Variants in WDR7 observed in about 807,000 individuals in gnomAD.
WDR7 encodes the protein WD repeat-containing protein 7.
WDR7 carries 46 observed loss-of-function variants against 169.4 expected under a neutral mutation model. The ratio of observed to expected loss-of-function variants is 0.27; its 90% confidence interval spans 0.21 to 0.35. The LOEUF (loss-of-function observed/expected upper bound fraction) is 0.35. Ranked by LOEUF, WDR7 falls within the 10% of genes least tolerant of loss-of-function variation. WDR7 has a pLI of 1.00. For missense variants in WDR7, 1,534 were observed against 1,859.3 expected (o/e 0.83, Z 3.22); for synonymous variants, 612 against 666.8 (o/e 0.92, Z 1.27).
At chr18:56,791,682 A>G (rs1428642664) in intron 19 of WDR7, among the ~76,000 whole-genome samples, 1 of 152,160 alleles carries the variant, frequency 6.6e-6, no homozygotes, top group Non-Finnish European at 1.5e-5. Flanking sequence ...CTTAGGGTTT[A>G]AAGTAACCAC....
chr18:56,720,418 C>A (rs931741539), intron 13 of WDR7, among the ~76,000 whole-genome samples: 2 of 152,112 alleles, frequency 1.3e-5, no homozygotes, highest in African/African-American at 4.8e-5. Flanking sequence ...CACTGCACCC[C>A]AGCCTGGGAG....
At chr18:56,680,044 G>A (rs897537202) in intron 3 of WDR7, among the ~76,000 whole-genome samples, 1 of 152,004 alleles carries the variant, frequency 6.6e-6, no homozygotes, top group Non-Finnish European at 1.5e-5. Context: ...AGAAAGTTGG[G>A]GAACTTGAAG....
intron 20 of WDR7, among the ~76,000 whole-genome samples, chr18:56,875,398 T>C (rs1476709985): frequency 6.6e-6 from 1 of 152,200 alleles, no homozygotes; most frequent in African/African-American, 2.4e-5. Flanking sequence ...TCTAATATTC[T>C]TTATACTATG....
At chr18:56,796,453 C>T (rs1330402722) in intron 19 of WDR7, among the ~76,000 whole-genome samples, 1 of 152,180 alleles carries the variant, frequency 6.6e-6, no homozygotes, top group Non-Finnish European at 1.5e-5. Context: ...CTAGTGATTT[C>T]AAACTCGTCA....
intron 26 of WDR7, among the ~76,000 whole-genome samples, chr18:57,008,654 G>C (rs578216140): frequency 9.2e-5 from 14 of 152,246 alleles, no homozygotes; most frequent in African/African-American, 3.4e-4. Flanking sequence ...CCTTCTCTCT[G>C]TACCTTTTTC....
intron 13 of WDR7, 54 bp from the exon 14 acceptor site, chr18:56,731,329 C>T: frequency 6.4e-7 from 1 of 1,563,032 alleles, no homozygotes. Flanking sequence ...TTTACTTAAA[C>T]TATTCAAAAT....
Position 56,682,735 on chromosome 18 carries a change from T to A in WDR7, c.402T>A (p.His134Gln). 1 of 1,613,888 alleles carries A rather than the reference T, an allele frequency of 6.2e-7. No individual in the cohort carries two copies. The highest frequency in any genetic ancestry group is 8.5e-7 in the Non-Finnish European group (1 of 1,179,812). ...QREGRLLCHGHYPEILVVDAT... is the reference protein window; with the variant it reads ...QREGRLLCHGQYPEILVVDAT... ...AAGGAAGGCTTTTATGCCACGGACA[T>A]TACCCTGAAATCCTTGTTGTGGATG... Residue 134 changes from histidine (H) to glutamine (Q), a missense_variant, in exon 5 of 28, where the codon CAT becomes CAA. Coordinates refer to ENST00000254442, the MANE Select transcript of WDR7 (RefSeq NM_015285.3).
intron 16 of WDR7, among the ~76,000 whole-genome samples, chr18:56,765,329 G>T (rs1289262795): frequency 6.6e-6 from 1 of 151,376 alleles, no homozygotes; most frequent in African/African-American, 2.4e-5. Flanking sequence ...TTCTTTTTCT[G>T]CTGTCTTTTA....
chr18:56,813,857 A>G (rs1170148709), intron 19 of WDR7, among the ~76,000 whole-genome samples: 1 of 152,118 alleles, frequency 6.6e-6, no homozygotes. Context: ...TTTGAGATGT[A>G]CTTGTTTGTT....
At chr18:56,870,428 T>A (rs1402680343) in intron 20 of WDR7, among the ~76,000 whole-genome samples, 3 of 151,050 alleles carry the variant, frequency 2.0e-5, no homozygotes, top group Admixed American at 6.6e-5. Context: ...TTCTAAAACA[T>A]GTTTTAAAAA....
chr18:56,845,277 C>G (rs2045551536), intron 20 of WDR7, among the ~76,000 whole-genome samples: 1 of 151,952 alleles, frequency 6.6e-6, no homozygotes. Context: ...TTGCAAAGCT[C>G]TGTAGTGTTT....
chr18:56,765,502 T>G (rs1233206381), intron 16 of WDR7, among the ~76,000 whole-genome samples: 3 of 152,186 alleles, frequency 2.0e-5, no homozygotes, highest in African/African-American at 7.2e-5. Flanking sequence ...AATATAAATG[T>G]TAAACCTTAT....
At chr18:57,033,935 G>A (rs1351833122), downstream of WDR7, 2 of 152,074 alleles carry the variant, frequency 1.3e-5, no homozygotes, top group Non-Finnish European at 2.9e-5. Flanking sequence ...GATCACTTGA[G>A]GTCAGGAGTT....
intron 22 of WDR7, among the ~76,000 whole-genome samples, chr18:56,935,319 A>T (rs1341023032): frequency 6.6e-6 from 1 of 152,224 alleles, no homozygotes; most frequent in African/African-American, 2.4e-5. Context: ...CAAACAAAAA[A>T]TAATTTTGTC....
At chr18:56,868,531 C>G (rs975710567) in intron 20 of WDR7, among the ~76,000 whole-genome samples, 1 of 152,110 alleles carries the variant, frequency 6.6e-6, no homozygotes, top group African/African-American at 2.4e-5. Context: ...ACCAGTCCAC[C>G]AAATGTTGTC....
At chr18:56,889,138 C>T (rs1364954914) in intron 21 of WDR7, among the ~76,000 whole-genome samples, 5 of 152,150 alleles carry the variant, frequency 3.3e-5, no homozygotes, top group Non-Finnish European at 7.4e-5. Flanking sequence ...GACTTGTCAG[C>T]CACAGACACA....
Position 56,685,918 on chromosome 18 carries a change from C to A in WDR7, c.521-38C>A. 3 of 1,527,812 alleles carry A rather than the reference C, an allele frequency of 2.0e-6. No homozygotes were observed. In the South Asian group the frequency reaches 3.6e-5, roughly 18 times the overall value. 94.6% of individuals were successfully genotyped at this position (1,527,812 alleles called of 1,614,324 possible). A position where few individuals can be genotyped will look rare whatever the true frequency, so the allele number is the denominator to read the frequency against. ...ATATTTAGAAAAAGCGTATTATGTT[C>A]GTAACCTGGGCTGCTTTTTTGTCCC... is the stretch of plus-strand genomic sequence containing the variant. On this transcript the variant is annotated intron_variant, in intron 5 of 27. Coordinates refer to ENST00000254442, the MANE Select transcript of WDR7 (RefSeq NM_015285.3).
At chr18:56,732,949 A>G (rs559814125) in intron 14 of WDR7, among the ~76,000 whole-genome samples, 1 of 152,340 alleles carries the variant, frequency 6.6e-6, no homozygotes, top group South Asian at 2.1e-4. Flanking sequence ...CCTAGAAGTA[A>G]AAATTTGGAA....
At chr18:56,968,315 A>T (rs1158596875) in intron 26 of WDR7, among the ~76,000 whole-genome samples, 1 of 152,220 alleles carries the variant, frequency 6.6e-6, no homozygotes, top group Non-Finnish European at 1.5e-5. Context: ...CTGAGGCTTT[A>T]GAATAAAAAA....
Sources: allele counts gnomAD v4.1 joint callset (sites outside exome capture counted in the v4.1 genomes callset), GRCh38; gene constraint gnomAD v4.1.1; transcripts MANE v1.5; gene names NCBI Gene and HGNC (gene_info 2026-07-23, HGNC 2026-07-21).